The following VPS53 variants were observed in gnomAD, a reference collection of about 807,000 sequenced individuals.
The protein encoded by VPS53 is vacuolar protein sorting-associated protein 53 homolog.
In VPS53, 70 loss-of-function variants were observed where a neutral mutation model predicts 107.0. The ratio of observed to expected loss-of-function variants is 0.65; its 90% CI spans 0.54 to 0.80. The LOEUF (loss-of-function observed/expected upper bound fraction) is 0.80, where lower values mean the gene tolerates loss of function less well. VPS53 is among the 30% of genes least tolerant of loss of function. The probability of loss-of-function intolerance (pLI) is 0.00; values close to 1 mark genes in which losing one functional copy is unlikely to be tolerated. For missense variants in VPS53, 917 were observed against 1,049.4 expected (o/e 0.87, Z 1.74); for synonymous variants, 409 against 393.3 (o/e 1.04, Z -0.47).
At chr17:560,826 T>A (rs1042584213) in intron 14 of VPS53, among the ~76,000 whole-genome samples, 2 of 152,182 alleles carry the variant, frequency 1.3e-5, no homozygotes, top group Admixed American at 6.5e-5. Flanking sequence ...TGGTCTAATA[T>A]CCAAAGGGAA....
rs1204774052 is a variant in VPS53 at position 697,489 on chromosome 17, C to CA, written c.219-6dup. On this transcript the variant is annotated splice_region_variant and splice_polypyrimidine_tract_variant and intron_variant, in intron 3 of 21. Transcript: ENST00000437048. ...CGAATATTGTCATCCAGTCTCCTAG[C>CA]AAAACAGTTCAAGGATACAGTCATT... 28 of 1,609,860 alleles carry CA rather than the reference C, an allele frequency of 1.7e-5. No individual in the cohort carries two copies. Among genetic ancestry groups the CA allele is most frequent in the Non-Finnish European group, 2.4e-5 (28 of 1,176,324 alleles).
intron 17 of VPS53, among the ~76,000 whole-genome samples, chr17:548,380 T>G (rs568825164): frequency 6.8e-4 from 100 of 147,898 alleles, no homozygotes; most frequent in Non-Finnish European, 1.2e-3. Flanking sequence ...ACAGTCCTTC[T>G]GGAATCATCC....
chr17:519,221 T>C lies in VPS53; in HGVS notation c.2406A>G (p.Glu802=), dbSNP rs1597236970. 6 of 1,549,748 alleles carry C rather than the reference T, an allele frequency of 3.9e-6. No individual in the cohort carries two copies. Among genetic ancestry groups the C allele is most frequent in the Non-Finnish European group, 4.4e-6 (5 of 1,146,340 alleles). ...QRLPAPPSGA[E]SSGSLSLTAP... ...CCGTCAGGGACAGTGAGCCGGAGCT[T>C]TCTGCCCCCGAGGGCGGTGCGGGGA... Residue 802 remains glutamate, a synonymous_variant, in exon 22 of 22, where the codon GAA becomes GAG. Transcript: ENST00000437048. This position sits in a 1 kb window ranked among gnomAD's most constrained non-coding sequence, Gnocchi z 5.0.
chr17:676,885 C>A (rs1972185202), intron 4 of VPS53, among the ~76,000 whole-genome samples: 1 of 151,032 alleles, frequency 6.6e-6, no homozygotes, highest in Non-Finnish European at 1.5e-5. Context: ...CATGAGTAGG[C>A]ACTACATACA....
chr17:698,047 A>G (rs1196642568), intron 3 of VPS53, among the ~76,000 whole-genome samples: 1 of 152,206 alleles, frequency 6.6e-6, no homozygotes, highest in Non-Finnish European at 1.5e-5. Flanking sequence ...TTATGTGACC[A>G]AGGGATACAC....
chr17:639,194 T>A (rs1306133240), intron 7 of VPS53, among the ~76,000 whole-genome samples: 1 of 152,204 alleles, frequency 6.6e-6, no homozygotes, highest in East Asian at 1.9e-4. Context: ...TACCCTTTCT[T>A]CCAGTTGATC....
intron 12 of VPS53, among the ~76,000 whole-genome samples, chr17:593,332 T>C (rs1967774102): frequency 6.6e-6 from 1 of 151,978 alleles, no homozygotes; most frequent in Admixed American, 6.6e-5. Flanking sequence ...ACTAAAGAGC[T>C]TCTGCACAGC....
intron 7 of VPS53, among the ~76,000 whole-genome samples, chr17:638,577 T>G (rs1285497634): frequency 6.6e-6 from 1 of 152,218 alleles, no homozygotes; most frequent in Non-Finnish European, 1.5e-5. Flanking sequence ...CCATGTTTAG[T>G]GCTTCCTTCA....
At chr17:634,458 C>T (rs1274564445) in intron 7 of VPS53, among the ~76,000 whole-genome samples, 2 of 151,908 alleles carry the variant, frequency 1.3e-5, no homozygotes, top group South Asian at 4.1e-4. Flanking sequence ...AGGTTCGTTA[C>T]ATATGTATAC....
chr17:699,646 G>A (rs1022168728), intron 2 of VPS53, among the ~76,000 whole-genome samples: 3 of 152,190 alleles, frequency 2.0e-5, no homozygotes. Context: ...CTGCTCTTAA[G>A]CTAACATGGC....
chr17:621,017 G>A (rs1435160360), intron 11 of VPS53, among the ~76,000 whole-genome samples: 1 of 152,154 alleles, frequency 6.6e-6, no homozygotes, highest in Non-Finnish European at 1.5e-5. Flanking sequence ...CACAAAGTAT[G>A]TAAATGCATT....
chr17:678,144 G>T (rs565763252), intron 4 of VPS53, among the ~76,000 whole-genome samples: 1 of 152,078 alleles, frequency 6.6e-6, no homozygotes, highest in Non-Finnish European at 1.5e-5. Context: ...AGCCAGGCCC[G>T]GTGGCTCACG....
At chr17:680,587 T>C (rs1972353932) in intron 4 of VPS53, among the ~76,000 whole-genome samples, 2 of 152,202 alleles carry the variant, frequency 1.3e-5, no homozygotes, top group Admixed American at 1.3e-4. Context: ...AAATCCAACG[T>C]CTATTTTCTG....
chr17:519,076 G>C lies in VPS53; in HGVS notation c.*52C>G. 8 of 1,452,742 alleles carry C rather than the reference G, an allele frequency of 5.5e-6. No individual in the cohort carries two copies. The highest frequency in any genetic ancestry group is 7.3e-6 in the Non-Finnish European group (8 of 1,098,486). 90.0% of individuals were successfully genotyped at this position (1,452,742 alleles called of 1,614,324 possible). On this transcript the variant is annotated 3_prime_UTR_variant, in exon 22 of 22. Transcript: ENST00000437048. This position sits in a 1 kb window ranked among gnomAD's most constrained non-coding sequence, Gnocchi z 5.0. Reference sequence around the variant, plus strand: ...GCACAGGAGAGGTTGGGGGCTTCTGGGGAACGGGCGCTGAGGGTCTCCAGC... The same window carrying C: ...GCACAGGAGAGGTTGGGGGCTTCTGCGGAACGGGCGCTGAGGGTCTCCAGC...
intron 17 of VPS53, 79 bp downstream of exon 17, chr17:551,793 A>G: frequency 1.6e-6 from 2 of 1,261,110 alleles, no homozygotes; most frequent in Non-Finnish European, 2.2e-6. Context: ...GAGCCTGGAG[A>G]AGCTACAGAC....
chr17:656,903 A>G (rs1971214705), intron 5 of VPS53: 6 of 1,500,210 alleles, frequency 4.0e-6, no homozygotes, highest in South Asian at 1.1e-5. Context: ...GCCCTTGCCA[A>G]TAGTGAAAAT....
chr17:712,960 GA>G (rs902510883), intron 1 of VPS53, among the ~76,000 whole-genome samples: 1 of 152,084 alleles, frequency 6.6e-6, no homozygotes, highest in African/African-American at 2.4e-5. Context: ...CGTGTGGCCG[GA>G]ACACTAAAAG....
chr17:543,783 A>AGAAG (rs1195835497), intron 17 of VPS53, among the ~76,000 whole-genome samples: 7,986 of 42,728 alleles, frequency 0.19, 1,500 homozygotes, highest in East Asian at 0.25. Flanking sequence ...TATGAAGAAG[A>AGAAG]GAAGGAAGGA....
At chr17:662,456 A>G (rs11656028) in intron 4 of VPS53, among the ~76,000 whole-genome samples, 20,629 of 152,136 alleles carry the variant, frequency 0.14, 1,753 homozygotes, top group Admixed American at 0.26. Context: ...TTGGGAGGCC[A>G]AGGCGGGCAG....
Sources: allele counts gnomAD v4.1 joint callset (sites outside exome capture counted in the v4.1 genomes callset), GRCh38; gene constraint gnomAD v4.1.1; non-coding constraint Gnocchi (gnomAD v3.1); transcripts MANE v1.5; gene names NCBI Gene and HGNC (gene_info 2026-07-23, HGNC 2026-07-21).